Variants in C8A observed in about 807,000 individuals in gnomAD.
The protein encoded by C8A is complement C8 alpha chain.
C8A carries 67 observed loss-of-function variants against 65.3 expected under a neutral mutation model. That is an observed-to-expected ratio of 1.03 (90% confidence interval 0.84 to 1.26). C8A has a LOEUF of 1.26. C8A is among the 50% of genes most tolerant of loss of function. The pLI is 0.00. For missense variants in C8A, 781 were observed against 723.9 expected (o/e 1.08, Z -0.90); for synonymous variants, 290 against 259.4 (o/e 1.12, Z -1.13).
chr1:56,908,443 TA>T (rs1644483740), intron 9 of C8A, among the ~76,000 whole-genome samples: 1 of 152,220 alleles, frequency 6.6e-6, no homozygotes, highest in Non-Finnish European at 1.5e-5. Flanking sequence ...TGGGCTAAAT[TA>T]GGGGGTGGCA....
chr1:56,874,907 G>T, intron 2 of C8A, 42 bp from the exon 3 acceptor site: 1 of 1,611,230 alleles, frequency 6.2e-7, no homozygotes, highest in South Asian at 1.1e-5. Flanking sequence ...TTGATTGATT[G>T]ATTGGTTGAC....
At chr1:56,855,733 C>A (rs537608612) in intron 1 of C8A, among the ~76,000 whole-genome samples, 31 of 151,872 alleles carry the variant, frequency 2.0e-4, no homozygotes, top group South Asian at 8.3e-4. Flanking sequence ...CCCTGTCTCC[C>A]AAACATTAAA....
At chr1:56,859,329 T>C (rs988272843) in intron 1 of C8A, among the ~76,000 whole-genome samples, 1 of 152,216 alleles carries the variant, frequency 6.6e-6, no homozygotes, top group African/African-American at 2.4e-5. Context: ...TAGGGTACAA[T>C]GGTGAGCAAT....
chr1:56,892,569 T>C (rs1181053854), intron 7 of C8A, among the ~76,000 whole-genome samples: 1 of 152,122 alleles, frequency 6.6e-6, no homozygotes, highest in African/African-American at 2.4e-5. Flanking sequence ...CTCCTCCGTA[T>C]CCACAATCCA....
intron 4 of C8A, among the ~76,000 whole-genome samples, chr1:56,877,867 G>A (rs961584568): frequency 3.9e-5 from 6 of 152,110 alleles, no homozygotes; most frequent in African/African-American, 1.4e-4. Context: ...CCACCTACTT[G>A]ATGGAATTGA....
At chr1:56,865,050 T>C (rs2101195017) in intron 1 of C8A, among the ~76,000 whole-genome samples, 1 of 152,226 alleles carries the variant, frequency 6.6e-6, no homozygotes, top group Non-Finnish European at 1.5e-5. Context: ...AAGAAAGTCC[T>C]TCTAGAAACA....
chr1:56,864,483 T>C (rs569227414), intron 1 of C8A, among the ~76,000 whole-genome samples: 1 of 152,234 alleles, frequency 6.6e-6, no homozygotes, highest in South Asian at 2.1e-4. Context: ...CCCTTAAGCA[T>C]ATAAGATAGA....
At chr1:56,889,167 C>A (rs1169023604) in intron 7 of C8A, among the ~76,000 whole-genome samples, 1 of 151,954 alleles carries the variant, frequency 6.6e-6, no homozygotes, top group Non-Finnish European at 1.5e-5. Flanking sequence ...TCGATAATAG[C>A]ACAATTTGCT....
At chr1:56,911,248 G>C (rs555871547) in intron 9 of C8A, among the ~76,000 whole-genome samples, 3 of 152,276 alleles carry the variant, frequency 2.0e-5, no homozygotes, top group South Asian at 4.1e-4. Flanking sequence ...GACAGGGGCA[G>C]TTAGGCCACA....
chr1:56,916,404 G>A (rs1644553060), intron 10 of C8A, among the ~76,000 whole-genome samples: 1 of 152,214 alleles, frequency 6.6e-6, no homozygotes, highest in Non-Finnish European at 1.5e-5. Context: ...TTCCATGGAG[G>A]CCCATTACAG....
At chr1:56,873,867 C>T (rs1011887490) in intron 2 of C8A, among the ~76,000 whole-genome samples, 1 of 152,154 alleles carries the variant, frequency 6.6e-6, no homozygotes, top group Non-Finnish European at 1.5e-5. Context: ...AGGGATAGAA[C>T]CTCATGTTTC....
chr1:56,875,261 A>C (rs956244344), intron 3 of C8A, among the ~76,000 whole-genome samples, 168 bp downstream of exon 3: 1 of 152,218 alleles, frequency 6.6e-6, no homozygotes, highest in Non-Finnish European at 1.5e-5. Context: ...CCAAGCCAGC[A>C]GCCCAAGTAA....
Position 56,883,467 on chromosome 1 carries a change from CT to C in C8A, c.655-4del, listed in dbSNP as rs61482695. The C allele has an allele frequency of 3.0e-3, 4,028 of 1,353,932 alleles. 38 individuals carry two copies. The African/African-American group carries it at 0.035, about 12-fold the overall frequency. 83.9% of individuals were successfully genotyped at this position (1,353,932 alleles called of 1,614,324 possible). On this transcript the variant is annotated splice_polypyrimidine_tract_variant and intron_variant, in intron 5 of 10. Transcript: ENST00000361249. ...TATGTGCACAAAGCTAATATCTATC[CT>C]TTTTTTTTTCAGGCCCTGGCAGATA... is the stretch of plus-strand genomic sequence containing the variant.
chr1:56,865,879 T>C (rs1280036252), intron 1 of C8A, among the ~76,000 whole-genome samples: 1 of 152,198 alleles, frequency 6.6e-6, no homozygotes, highest in Non-Finnish European at 1.5e-5. Flanking sequence ...GTAAGGCACA[T>C]ACTCAGTGAA....
At chr1:56,898,478 A>T (rs888413087) in intron 7 of C8A, among the ~76,000 whole-genome samples, 1 of 152,058 alleles carries the variant, frequency 6.6e-6, no homozygotes. Context: ...CTTGATTTGC[A>T]TATGCTATTT....
chr1:56,879,364 A>G (rs1401294592), intron 4 of C8A, among the ~76,000 whole-genome samples: 1 of 152,240 alleles, frequency 6.6e-6, no homozygotes, highest in Non-Finnish European at 1.5e-5. Context: ...AAAAAGTAGA[A>G]CTTCTTTGAC....
intron 7 of C8A, among the ~76,000 whole-genome samples, chr1:56,891,533 A>G (rs1644345335): frequency 6.6e-6 from 1 of 152,170 alleles, no homozygotes; most frequent in Non-Finnish European, 1.5e-5. Context: ...GGACTCAGGA[A>G]GAACAATTAG....
chr1:56,866,593 C>T (rs1293239127), intron 1 of C8A, among the ~76,000 whole-genome samples: 1 of 152,224 alleles, frequency 6.6e-6, no homozygotes, highest in Non-Finnish European at 1.5e-5. Context: ...TGTTCCTACA[C>T]TAGGGTTATA....
At chr1:56,871,974 G>A (rs1391782661) in intron 2 of C8A, among the ~76,000 whole-genome samples, 1 of 152,086 alleles carries the variant, frequency 6.6e-6, no homozygotes, top group Non-Finnish European at 1.5e-5. Context: ...CAGAACAGTG[G>A]CATGTACCAG....
Sources: allele counts gnomAD v4.1 joint callset (sites outside exome capture counted in the v4.1 genomes callset), GRCh38; gene constraint gnomAD v4.1.1; transcripts MANE v1.5; gene names NCBI Gene and HGNC (gene_info 2026-07-23, HGNC 2026-07-21).